SERPINI1: variants seen among roughly 807,000 people sequenced by gnomAD.
The protein encoded by SERPINI1 is serpin family I member 1.
SERPINI1 carries 19 observed loss-of-function variants against 41.1 expected under a neutral mutation model. The observed-to-expected ratio is 0.46, with a 90% CI of 0.32 to 0.68. SERPINI1 has a LOEUF of 0.68. Ranked by LOEUF, SERPINI1 falls within the 30% of genes least tolerant of loss-of-function variation. SERPINI1 has a pLI of 0.03. For missense variants in SERPINI1, 460 were observed against 479.2 expected (o/e 0.96, Z 0.37); for synonymous variants, 138 against 156.6 (o/e 0.88, Z 0.89).
intron 1 of SERPINI1, among the ~76,000 whole-genome samples, chr3:167,773,481 A>G (rs1021747144): frequency 2.0e-5 from 3 of 152,170 alleles, no homozygotes; most frequent in South Asian, 2.1e-4. Flanking sequence ...CTTTCTACAT[A>G]ACTTCCTAAA....
In SERPINI1 at chr3:167,759,401, T is replaced by G. The variant is rs1261081491; in HGVS notation, c.-19+23578T>G. 7.1e-5 allele frequency among the ~76,000 whole-genome samples: 6 copies of G among 84,824 alleles called. No homozygotes were observed. The South Asian group carries it at 1.6e-3, about 22-fold the overall frequency. 55.6% of individuals were successfully genotyped at this position (84,824 alleles called of 152,430 possible). A position where few individuals can be genotyped will look rare whatever the true frequency, so the allele number is the denominator to read the frequency against. ...TCAACATTGGATAAAGAAAATGTGG[T>G]ATATATATATATATATATATGCGCC... On this transcript the variant is annotated intron_variant, in intron 1 of 8. Coordinates refer to ENST00000446050, the MANE Select transcript of SERPINI1 (RefSeq NM_001122752.2).
intron 6 of SERPINI1, among the ~76,000 whole-genome samples, chr3:167,815,633 GC>G (rs1712054895): frequency 6.6e-6 from 1 of 152,058 alleles, no homozygotes; most frequent in South Asian, 2.1e-4. Context: ...CAAGTGATCT[GC>G]CTGCCTCAGC....
At chr3:167,763,468 C>A (rs1726453699) in intron 1 of SERPINI1, among the ~76,000 whole-genome samples, 1 of 151,914 alleles carries the variant, frequency 6.6e-6, no homozygotes, top group Middle Eastern at 3.4e-3. Flanking sequence ...CAACCTCCAC[C>A]TCCTAGGCTC....
intron 5 of SERPINI1, among the ~76,000 whole-genome samples, chr3:167,797,441 T>C (rs959832686): frequency 1.6e-4 from 24 of 152,198 alleles, no homozygotes; most frequent in African/African-American, 5.5e-4. Flanking sequence ...CTGAATGGTA[T>C]TGCCTAGGTT....
intron 6 of SERPINI1, 44 bp downstream of exon 6, chr3:167,807,385 G>A (rs760621806): frequency 1.6e-6 from 2 of 1,237,288 alleles, no homozygotes; most frequent in African/African-American, 3.0e-5. Flanking sequence ...TTCCATAAGA[G>A]CTTTATTAAA....
chr3:167,784,755 T>C (rs1237073597), intron 1 of SERPINI1, among the ~76,000 whole-genome samples: 1 of 152,158 alleles, frequency 6.6e-6, no homozygotes, highest in Non-Finnish European at 1.5e-5. Flanking sequence ...CTCCACCTGA[T>C]CCTGCTCTTT....
chr3:167,746,937 C>T (rs1268490778), intron 1 of SERPINI1, among the ~76,000 whole-genome samples: 1 of 151,920 alleles, frequency 6.6e-6, no homozygotes, highest in Non-Finnish European at 1.5e-5. Flanking sequence ...AGGTATATGC[C>T]GAAAAGAGTT....
In SERPINI1 at chr3:167,825,324, G is replaced by A. The variant is rs757714374; in HGVS notation, c.*1G>A. The A allele has an allele frequency of 1.2e-6, 2 of 1,600,980 alleles. No individual in the cohort carries two copies. The highest frequency in any genetic ancestry group is 1.7e-5 in the Admixed American group (1 of 59,984). On this transcript the variant is annotated 3_prime_UTR_variant, in exon 9 of 9. Transcript: ENST00000446050. ...TGGACATGATTTCGAAGAACTTTAA[G>A]TTACTTTATTTGAATAACAAGGAAA...
intron 1 of SERPINI1, among the ~76,000 whole-genome samples, chr3:167,743,786 T>G (rs1304909192): frequency 1.3e-5 from 2 of 152,138 alleles, no homozygotes; most frequent in African/African-American, 4.8e-5. Flanking sequence ...AAGGCTATGA[T>G]ATTACAGCAG....
chr3:167,809,329 T>C (rs1458114142), intron 6 of SERPINI1, among the ~76,000 whole-genome samples: 2 of 152,206 alleles, frequency 1.3e-5, no homozygotes, highest in South Asian at 2.1e-4. Flanking sequence ...CATTGTACTT[T>C]CTTAACGTGG....
intron 1 of SERPINI1, among the ~76,000 whole-genome samples, chr3:167,756,219 G>C (rs755474702): frequency 5.3e-5 from 8 of 152,126 alleles, no homozygotes; most frequent in Non-Finnish European, 8.8e-5. Flanking sequence ...CTTTACTGAA[G>C]CTATGTAAAC....
rs141371005 is a variant in SERPINI1, at chr3:167,793,596, A to ATT, written c.676+816_676+817dup. 1.1e-4 allele frequency among the ~76,000 whole-genome samples: 16 copies of ATT among 140,608 alleles called. 1 individual carries two copies. Among genetic ancestry groups the ATT allele is most frequent in the Admixed American group, 1.4e-4 (2 of 14,132 alleles). The allele number at this position is 140,608 out of a possible 152,430, so 92.2% of individuals were successfully genotyped here. ...TACAAATATATATATATATATATATATTTTTAATTAGCTAGGCATAATGGT... is the reference window on the plus strand; with the variant it reads ...TACAAATATATATATATATATATATATTTTTTTAATTAGCTAGGCATAATGGT... On this transcript the variant is annotated intron_variant, in intron 4 of 8. Transcript: ENST00000446050.
chr3:167,794,580 C>T (rs778619851), intron 4 of SERPINI1, 40 bp from the exon 5 acceptor site: 1 of 1,576,568 alleles, frequency 6.3e-7, no homozygotes, highest in East Asian at 2.2e-5. Context: ...TTTTTTTAAG[C>T]TTTGATAGGC....
intron 1 of SERPINI1, among the ~76,000 whole-genome samples, chr3:167,741,904 G>A (rs1369702421): frequency 6.6e-6 from 1 of 151,200 alleles, no homozygotes. Context: ...TTTGGCTTTG[G>A]TAAATTACGA....
chr3:167,740,150 A>G (rs1292987105), intron 1 of SERPINI1, among the ~76,000 whole-genome samples: 4 of 151,748 alleles, frequency 2.6e-5, no homozygotes, highest in African/African-American at 7.3e-5. Context: ...CTCACACCGC[A>G]GACTCCCCAG....
At chr3:167,755,586 A>G (rs1218159436) in intron 1 of SERPINI1, among the ~76,000 whole-genome samples, 1 of 152,218 alleles carries the variant, frequency 6.6e-6, no homozygotes, top group African/African-American at 2.4e-5. Context: ...TAAAATGAAG[A>G]TCAAAATCAC....
At chr3:167,812,255 C>T (rs969832621) in intron 6 of SERPINI1, among the ~76,000 whole-genome samples, 1 of 152,218 alleles carries the variant, frequency 6.6e-6, no homozygotes, top group South Asian at 2.1e-4. Flanking sequence ...ATTCCAGTTC[C>T]TGTTCAAAGC....
rs781486255 is a variant in SERPINI1 at position 167,790,402 on chromosome 3, C to T, written c.281C>T (p.Ser94Leu). ...GAATTTTCTTTCTTGAAGGAGTTTT[C>T]AAACATGGTAACTGCTAAAGAGAGC... ...GEEFSFLKEF[S>L]NMVTAKESQY... is the part of the protein sequence containing the mutation. The change falls in exon 3 of 9, where the codon TCA becomes TTA. Residue 94 changes from serine to leucine, a missense_variant. Physicochemically the swap from Ser to Leu is moderately radical, Grantham distance 145. Transcript: ENST00000446050. 72 of 1,613,712 alleles carry T rather than the reference C, an allele frequency of 4.5e-5. No homozygotes were observed. The highest frequency in any genetic ancestry group is 6.1e-5 in the Non-Finnish European group (72 of 1,179,742).
chr3:167,816,342 G>A (rs1252984417), intron 6 of SERPINI1, among the ~76,000 whole-genome samples: 3 of 152,100 alleles, frequency 2.0e-5, no homozygotes, highest in South Asian at 2.1e-4. Flanking sequence ...CACAATGCCC[G>A]GCCTATTACA....
Sources: allele counts gnomAD v4.1 joint callset (sites outside exome capture counted in the v4.1 genomes callset), GRCh38; gene constraint gnomAD v4.1.1; transcripts MANE v1.5; gene names NCBI Gene and HGNC (gene_info 2026-07-23, HGNC 2026-07-21).